Variants in SPIN1 observed in about 807,000 individuals in gnomAD.
SPIN1 encodes the protein spindlin-1.
In SPIN1, 3 loss-of-function variants were observed where a neutral mutation model predicts 26.0. The ratio of observed to expected loss-of-function variants is 0.12; its 90% CI spans 0.05 to 0.30. The LOEUF is 0.30. SPIN1 is among the 10% of genes least tolerant of loss of function. The pLI, the probability that SPIN1 is intolerant of heterozygous loss-of-function variation, is 1.00. For missense variants in SPIN1, 126 were observed against 333.4 expected, an observed-to-expected ratio of 0.38 and a Z score of 4.84; for synonymous variants, 101 against 116.5, an observed-to-expected ratio of 0.87 and a Z score of 0.86.
At chr9:88,418,998 A>G (rs1187070499) in intron 1 of SPIN1, 1 of 152,210 alleles carries the variant, frequency 6.6e-6, no homozygotes, top group Non-Finnish European at 1.5e-5. Flanking sequence ...TTGCAATAGA[A>G]TGAGAATTTT....
intron 3 of SPIN1, among the ~76,000 whole-genome samples, chr9:88,453,335 C>T (rs998271681): frequency 6.6e-6 from 1 of 152,196 alleles, no homozygotes; most frequent in Non-Finnish European, 1.5e-5. Context: ...ATCAGTGCCA[C>T]CCAAGGTATG....
At chr9:88,419,941 T>C (rs552786731) in intron 1 of SPIN1, among the ~76,000 whole-genome samples, 6 of 152,362 alleles carry the variant, frequency 3.9e-5, no homozygotes, top group African/African-American at 1.2e-4. Context: ...GTTGGCATGA[T>C]AATGCAGTTC....
chr9:88,467,729 CACA>C (rs1564044466), intron 4 of SPIN1, among the ~76,000 whole-genome samples: 1 of 151,614 alleles, frequency 6.6e-6, no homozygotes, highest in Non-Finnish European at 1.5e-5. Context: ...GTATCAGTGA[CACA>C]ACGATTACTT....
At chr9:88,462,872 C>T (rs1828598012) in intron 4 of SPIN1, 123 bp downstream of exon 4, 4 of 1,187,364 alleles carry the variant, frequency 3.4e-6, no homozygotes, top group Middle Eastern at 2.6e-4. Context: ...TCTTGATAAA[C>T]ATTATATTAA....
intron 4 of SPIN1, among the ~76,000 whole-genome samples, chr9:88,466,918 G>C (rs1439770772): frequency 6.6e-6 from 1 of 152,032 alleles, no homozygotes; most frequent in Non-Finnish European, 1.5e-5. Context: ...TGTATTTTTA[G>C]TAGAGACGGG....
intron 1 of SPIN1, among the ~76,000 whole-genome samples, chr9:88,423,911 A>G (rs1162303962): frequency 2.6e-5 from 4 of 152,034 alleles, no homozygotes; most frequent in Non-Finnish European, 5.9e-5. Context: ...GACCAAGGGC[A>G]TACGCCACCA....
intron 1 of SPIN1, among the ~76,000 whole-genome samples, chr9:88,413,397 T>A (rs1827496310): frequency 6.6e-6 from 1 of 151,690 alleles, no homozygotes; most frequent in African/African-American, 2.4e-5. Flanking sequence ...CTGTTTTTTT[T>A]ATTTTTAAGG....
intron 1 of SPIN1, among the ~76,000 whole-genome samples, chr9:88,397,042 G>T (rs1360389930): frequency 6.6e-6 from 1 of 150,430 alleles, no homozygotes; most frequent in Non-Finnish European, 1.5e-5. Flanking sequence ...GAGTCTGTGA[G>T]TGAGTGGTGA....
chr9:88,434,476 A>G (rs1380855919), intron 2 of SPIN1, among the ~76,000 whole-genome samples: 1 of 152,012 alleles, frequency 6.6e-6, no homozygotes, highest in Non-Finnish European at 1.5e-5. Context: ...AAAGCTATAT[A>G]TTAAAGAAAC....
intron 1 of SPIN1, among the ~76,000 whole-genome samples, chr9:88,417,280 CACA>C (rs1176915795): frequency 6.6e-6 from 1 of 152,070 alleles, no homozygotes; most frequent in Non-Finnish European, 1.5e-5. Flanking sequence ...TCATACTCAG[CACA>C]ACACTTCTGT....
chr9:88,413,425 C>G (rs1454714878), intron 1 of SPIN1, among the ~76,000 whole-genome samples: 1 of 146,512 alleles, frequency 6.8e-6, no homozygotes, highest in Non-Finnish European at 1.5e-5. Context: ...CCTGTATCGC[C>G]CAGGCTGGAG....
chr9:88,433,368 C>G (rs1316943059), intron 2 of SPIN1, among the ~76,000 whole-genome samples: 1 of 152,182 alleles, frequency 6.6e-6, no homozygotes, highest in East Asian at 1.9e-4. Context: ...CAGTCATGCA[C>G]CAGTGTACCT....
intron 1 of SPIN1, among the ~76,000 whole-genome samples, chr9:88,420,438 A>G (rs569701620): frequency 6.6e-6 from 1 of 152,354 alleles, no homozygotes; most frequent in Admixed American, 6.5e-5. Context: ...AGAGTAGCCA[A>G]CTGGGTAGCA....
chr9:88,393,903 A>G (rs916942848), intron 1 of SPIN1, among the ~76,000 whole-genome samples: 3 of 152,018 alleles, frequency 2.0e-5, no homozygotes, highest in Non-Finnish European at 2.9e-5. Context: ...GCTGGAGTGC[A>G]GTGGTGTGAC....
chr9:88,463,372 A>C (rs1259882462), intron 4 of SPIN1, among the ~76,000 whole-genome samples: 1 of 152,232 alleles, frequency 6.6e-6, no homozygotes, highest in Non-Finnish European at 1.5e-5. Context: ...CCAAACTAAT[A>C]TTACTTTTTT....
At chr9:88,419,975 C>A (rs1439904748) in intron 1 of SPIN1, among the ~76,000 whole-genome samples, 1 of 152,194 alleles carries the variant, frequency 6.6e-6, no homozygotes, top group Non-Finnish European at 1.5e-5. Context: ...TCTCTATTGT[C>A]CTGTTTTTTC....
intron 3 of SPIN1, among the ~76,000 whole-genome samples, 178 bp from the exon 4 acceptor site, chr9:88,462,318 C>T (rs1192626865): frequency 6.6e-6 from 1 of 152,192 alleles, no homozygotes; most frequent in Non-Finnish European, 1.5e-5. Flanking sequence ...CTCACCACCA[C>T]TGGTACAGGG....
intron 1 of SPIN1, among the ~76,000 whole-genome samples, chr9:88,421,935 A>G (rs1162502051): frequency 6.6e-6 from 1 of 152,038 alleles, no homozygotes; most frequent in Non-Finnish European, 1.5e-5. Context: ...CGAGTATTTT[A>G]TAAGTGATAT....
intron 1 of SPIN1, among the ~76,000 whole-genome samples, chr9:88,417,416 A>G (rs1001955021): frequency 1.3e-5 from 2 of 152,154 alleles, no homozygotes; most frequent in Non-Finnish European, 2.9e-5. Flanking sequence ...ACATCCCACA[A>G]GACTGCCCCC....
Sources: gnomAD v4.1 joint callset for allele counts (sites outside exome capture counted in the v4.1 genomes callset) on GRCh38, gnomAD v4.1.1 for gene constraint, MANE v1.5 for transcripts, NCBI Gene and HGNC (gene_info 2026-07-23, HGNC 2026-07-21) for gene names.